The following DNAL1 variants were observed in gnomAD, a reference collection of about 807,000 sequenced individuals.
The protein encoded by DNAL1 is dynein axonemal light chain 1, also known as chromosome 14 open reading frame 168.
In DNAL1, 17 loss-of-function variants were observed where a neutral mutation model predicts 29.4. The ratio of observed to expected loss-of-function variants is 0.58; its 90% CI spans 0.40 to 0.87. DNAL1 has a LOEUF of 0.87. Among genes scored for constraint, DNAL1 ranks in the 40% least tolerant of loss-of-function variants. The pLI, the probability that DNAL1 is intolerant of heterozygous loss-of-function variation, is 0.00. For missense variants in DNAL1, 188 were observed against 214.1 expected, an observed-to-expected ratio of 0.88 and a Z score of 0.76; for synonymous variants, 78 against 76.3, an observed-to-expected ratio of 1.02 and a Z score of -0.12.
In DNAL1 at chr14:73,680,842, G is replaced by C. The variant is rs79523554; in HGVS notation, c.265-6417G>C. On this transcript the variant is annotated intron_variant, in intron 5 of 7. Transcript: ENST00000553645. ...ATGGTTTAGCCTATTGCTCCTAGGC[G>C]ACAAACCTGCTCAGCATATCACTGT... Among the ~76,000 whole-genome samples, 1,223 of 152,272 alleles carry C rather than the reference G, an allele frequency of 8.0e-3. 23 individuals carry two copies. Among genetic ancestry groups the C allele is most frequent in the African/African-American group, 0.028 (1,159 of 41,542 alleles).
chr14:73,685,154 C>T (rs1046311968), intron 5 of DNAL1, among the ~76,000 whole-genome samples: 1 of 152,084 alleles, frequency 6.6e-6, no homozygotes, highest in African/African-American at 2.4e-5. Context: ...CCATCTAAAA[C>T]ATTTTTAAGT....
chr14:73,649,397 C>T (rs1217886621), intron 1 of DNAL1, among the ~76,000 whole-genome samples: 3 of 151,504 alleles, frequency 2.0e-5, no homozygotes, highest in South Asian at 2.1e-4. Flanking sequence ...ATTCTCCTGC[C>T]TCAGCCTCCC....
At position 73,702,078 on chromosome 14, in the gene DNAL1, G is replaced by GGGGT. The variant is rs1555340584; in HGVS notation, c.*6137_*6138insGGTG. 8.8e-5 allele frequency: 13 copies of GGGGT among 147,752 alleles called. No individual in the cohort carries two copies. Among genetic ancestry groups the GGGGT allele is most frequent in the African/African-American group, 2.0e-4 (8 of 39,066 alleles). 9.2% of individuals were successfully genotyped at this position (147,752 alleles called of 1,614,324 possible). A position where few individuals can be genotyped will look rare whatever the true frequency, so the allele number is the denominator to read the frequency against. On this transcript the variant is annotated 3_prime_UTR_variant, in exon 8 of 8. Transcript: ENST00000553645. Reference sequence around the variant, plus strand: ...ATAACATGTACCATGCAGTTTGTGTGGTGTGTGTGTGTGTGTGTGTGTGTG... The same window carrying GGGGT: ...ATAACATGTACCATGCAGTTTGTGTGGGGTGTGTGTGTGTGTGTGTGTGTGTGTG...
chr14:73,681,429 C>T (rs1891871966), intron 5 of DNAL1, among the ~76,000 whole-genome samples: 1 of 150,252 alleles, frequency 6.7e-6, no homozygotes, highest in South Asian at 2.1e-4. Flanking sequence ...GCCACCGCAC[C>T]CGGTGATTTT....
intron 1 of DNAL1, among the ~76,000 whole-genome samples, chr14:73,650,096 G>A (rs1441351503): frequency 6.6e-6 from 1 of 152,102 alleles, no homozygotes; most frequent in Admixed American, 6.6e-5. Context: ...TAGTCCCCCT[G>A]CCTCAGCCTC....
chr14:73,696,167 A>G lies in DNAL1; in HGVS notation c.*225A>G. Reference sequence around the variant, plus strand: ...CTATTTCTCTTTTTAGAAACCACAAATTTTCGATTTTTGTCTTCAGTCTCA... The same window carrying G: ...CTATTTCTCTTTTTAGAAACCACAAGTTTTCGATTTTTGTCTTCAGTCTCA... On this transcript the variant is annotated 3_prime_UTR_variant, in exon 8 of 8. Transcript: ENST00000553645. 1 of 437,206 alleles carries G rather than the reference A, an allele frequency of 2.3e-6. No homozygotes were observed. Among genetic ancestry groups the G allele is most frequent in the Non-Finnish European group, 4.0e-6 (1 of 249,192 alleles). The allele number at this position is 437,206 out of a possible 1,614,324, so 27.1% of individuals were successfully genotyped here.
intron 4 of DNAL1, among the ~76,000 whole-genome samples, chr14:73,663,142 T>C (rs1891393948): frequency 1.3e-5 from 2 of 151,950 alleles, no homozygotes; most frequent in Admixed American, 1.3e-4. Flanking sequence ...TATACGTACA[T>C]ATAAACTTGA....
In DNAL1 at chr14:73,691,239, TAAAG is replaced by T. The variant is rs747447821; in HGVS notation, c.532+1725_532+1728del. Among the ~76,000 whole-genome samples the T allele has an allele frequency of 1.7e-3, 256 of 152,292 alleles. 3 individuals are homozygous for T. Among genetic ancestry groups the T allele is most frequent in the Non-Finnish European group, 3.0e-3 (201 of 68,014 alleles). Reference sequence around the variant, plus strand: ...TCTACGCTAAACGTTGTGCTTAACATAAAGTAAGTATTCAAAATATATGTTATTA... The same window carrying T: ...TCTACGCTAAACGTTGTGCTTAACATTAAGTATTCAAAATATATGTTATTA... On this transcript the variant is annotated intron_variant, in intron 7 of 7. Transcript: ENST00000553645.
chr14:73,689,905 G>A (rs955034310), intron 7 of DNAL1, among the ~76,000 whole-genome samples: 1 of 151,658 alleles, frequency 6.6e-6, no homozygotes, highest in Non-Finnish European at 1.5e-5. Flanking sequence ...GCGTGGTGGC[G>A]GGCACCTGTA....
rs567434187 is a variant in DNAL1, at chr14:73,659,004, C to G, written c.152+48C>G. 4.0e-6 allele frequency: 5 copies of G among 1,264,986 alleles called. No individual in the cohort carries two copies. The South Asian group carries it at 1.1e-4, about 29-fold the overall frequency. The allele number at this position is 1,264,986 out of a possible 1,614,324, so 78.4% of individuals were successfully genotyped here. A position where few individuals can be genotyped will look rare whatever the true frequency, so the allele number is the denominator to read the frequency against. ...CAGTATTGCTGTTAGGTTTCCCTTTCTTTTCTTAAACACACAAAGTAGGAA... is the reference window on the plus strand; with the variant it reads ...CAGTATTGCTGTTAGGTTTCCCTTTGTTTTCTTAAACACACAAAGTAGGAA... On this transcript the variant is annotated intron_variant, in intron 3 of 7. Transcript: ENST00000553645.
At chr14:73,672,643 A>C (rs918820845) in intron 5 of DNAL1, among the ~76,000 whole-genome samples, 1 of 151,320 alleles carries the variant, frequency 6.6e-6, no homozygotes, top group Admixed American at 6.6e-5. Context: ...CTTAAGGGTC[A>C]GATTCTGGGA....
chr14:73,645,342 G>C (rs1287106534), intron 1 of DNAL1, among the ~76,000 whole-genome samples: 5 of 152,146 alleles, frequency 3.3e-5, no homozygotes, highest in African/African-American at 1.2e-4. Context: ...TGGGAAGGGT[G>C]ATGGGAAGGA....
At chr14:73,659,247 C>T (rs764398021) in intron 3 of DNAL1, among the ~76,000 whole-genome samples, 7 of 151,014 alleles carry the variant, frequency 4.6e-5, no homozygotes, top group Admixed American at 2.0e-4. Context: ...CTGCAACCTA[C>T]GCCTCCCGGG....
intron 5 of DNAL1, among the ~76,000 whole-genome samples, chr14:73,677,433 G>C (rs532784292): frequency 1.7e-4 from 26 of 151,786 alleles, no homozygotes; most frequent in African/African-American, 6.3e-4. Flanking sequence ...AGTCTCCTGA[G>C]TAGCTGGGAC....
intron 5 of DNAL1, among the ~76,000 whole-genome samples, chr14:73,681,161 TCTCA>T (rs1178720188): frequency 2.0e-5 from 3 of 149,832 alleles, no homozygotes; most frequent in African/African-American, 7.4e-5. Flanking sequence ...TGAGACGGAG[TCTCA>T]CTCTGTCACT....
chr14:73,683,684 T>TTTATTTATTTA (rs1566889457), intron 5 of DNAL1, among the ~76,000 whole-genome samples: 3 of 150,222 alleles, frequency 2.0e-5, no homozygotes, highest in African/African-American at 7.5e-5. Context: ...GATCAGCTTT[T>TTTATTTATTTA]TTTATTTATT....
At chr14:73,655,010 A>G (rs1397135378) in intron 2 of DNAL1, 125 bp downstream of exon 2, 5 of 921,624 alleles carry the variant, frequency 5.4e-6, no homozygotes, top group South Asian at 1.6e-5. Context: ...TATCTTGTCT[A>G]TGGTGGTGGA....
intron 5 of DNAL1, among the ~76,000 whole-genome samples, chr14:73,678,901 A>G (rs1311892163): frequency 6.6e-6 from 1 of 152,234 alleles, no homozygotes; most frequent in Non-Finnish European, 1.5e-5. Context: ...GTGAATATTT[A>G]TATGTACATA....
At chr14:73,690,633 CAA>C (rs1892150549) in intron 7 of DNAL1, among the ~76,000 whole-genome samples, 1 of 147,586 alleles carries the variant, frequency 6.8e-6, no homozygotes, top group South Asian at 2.1e-4. Context: ...GCCTAGGCAA[CAA>C]GAGCGAAACT....
Sources: gnomAD v4.1 joint callset for allele counts (sites outside exome capture counted in the v4.1 genomes callset) on GRCh38, gnomAD v4.1.1 for gene constraint, MANE v1.5 for transcripts, NCBI Gene and HGNC (gene_info 2026-07-23, HGNC 2026-07-21) for gene names.